ADGRD1: variants seen among roughly 807,000 people sequenced by gnomAD.
The protein encoded by ADGRD1 is adhesion G protein-coupled receptor D1, also known as G-protein coupled receptor 133.
Under a neutral mutation model 113.4 loss-of-function variants are expected in ADGRD1, and 77 were observed. The ratio of observed to expected loss-of-function variants is 0.68; its 90% CI spans 0.57 to 0.82. ADGRD1 has a LOEUF of 0.82. Ranked by LOEUF, ADGRD1 falls within the 40% of genes least tolerant of loss-of-function variation. The pLI, the probability that ADGRD1 is intolerant of heterozygous loss-of-function variation, is 0.00. For synonymous variants in ADGRD1, 474 were observed against 475.0 expected (o/e 1.00, Z 0.03); for missense variants, 1,036 against 1,139.1 (o/e 0.91, Z 1.30).
At chr12:130,974,579 C>T (rs367902276) in intron 4 of ADGRD1, among the ~76,000 whole-genome samples, 2 of 152,188 alleles carry the variant, frequency 1.3e-5, no homozygotes, top group Admixed American at 6.5e-5. Context: ...AAACTTATAA[C>T]CTGTTATTCT....
intron 8 of ADGRD1, among the ~76,000 whole-genome samples, chr12:130,999,796 G>C (rs1442956167): frequency 6.6e-6 from 1 of 152,204 alleles, no homozygotes; most frequent in Non-Finnish European, 1.5e-5. Flanking sequence ...CCAAGAGTCT[G>C]CTTTTTTAAA....
intron 20 of ADGRD1, among the ~76,000 whole-genome samples, chr12:131,129,849 CTG>C (rs377291103): frequency 3.9e-5 from 6 of 152,394 alleles, no homozygotes; most frequent in African/African-American, 1.4e-4. Context: ...ACCTCCCTCT[CTG>C]TGTGATGCTG....
intron 15 of ADGRD1, among the ~76,000 whole-genome samples, chr12:131,095,666 C>A (rs1725824): frequency 2.6e-5 from 4 of 152,170 alleles, no homozygotes; most frequent in Admixed American, 6.5e-5. Context: ...GGTCGCTTTG[C>A]GGGGCAGCTG....
chr12:131,123,830 A>C (rs1204400241), intron 20 of ADGRD1, among the ~76,000 whole-genome samples: 1 of 151,964 alleles, frequency 6.6e-6, no homozygotes. Flanking sequence ...CGTCTCAAAA[A>C]AAAAAAAAAA....
In ADGRD1 at chr12:131,132,547, C is replaced by T. The variant is rs140800966; in HGVS notation, c.2267+731C>T. Among the ~76,000 whole-genome samples, 6 of 152,326 alleles carry T rather than the reference C, an allele frequency of 3.9e-5. No homozygotes were observed. In the East Asian group the frequency reaches 5.8e-4, roughly 15 times the overall value. ...TGCAGCACCGGGCCCAGCTCGCCTT[C>T]GCATCCTTAGTGTTGGCTTCAGGCC... On this transcript the variant is annotated intron_variant, in intron 21 of 24. Coordinates refer to ENST00000261654, the MANE Select transcript of ADGRD1 (RefSeq NM_198827.5).
chr12:131,106,761 C>A (rs2137335996), intron 17 of ADGRD1, among the ~76,000 whole-genome samples: 1 of 152,296 alleles, frequency 6.6e-6, no homozygotes. Context: ...CAAGCACCTC[C>A]CTCACAGGGC....
At chr12:130,969,154 A>G (rs7307135) in intron 3 of ADGRD1, 27,050 of 776,408 alleles carry the variant, frequency 0.035, 1,015 homozygotes, top group African/African-American at 0.14. Context: ...GTTTGGTAGT[A>G]TCTGAATTCA....
intron 4 of ADGRD1, among the ~76,000 whole-genome samples, chr12:130,974,778 C>T (rs1416233790): frequency 6.6e-6 from 1 of 152,046 alleles, no homozygotes; most frequent in East Asian, 1.9e-4. Context: ...CGAGGGTGCC[C>T]ATAGAAGGCA....
chr12:130,997,010 C>T (rs1875548023), intron 8 of ADGRD1, among the ~76,000 whole-genome samples: 4 of 135,250 alleles, frequency 3.0e-5, no homozygotes, highest in African/African-American at 1.1e-4. Flanking sequence ...AGGCGGGGGG[C>T]TGACCCCCCC....
chr12:130,993,779 A>C (rs1874764865), intron 8 of ADGRD1: 2 of 152,602 alleles, frequency 1.3e-5, no homozygotes, highest in Non-Finnish European at 2.9e-5. Context: ...AGAGGCCCAG[A>C]GGCGGGAATC....
intron 11 of ADGRD1, among the ~76,000 whole-genome samples, chr12:131,004,966 C>A (rs1593340014): frequency 6.6e-6 from 1 of 152,252 alleles, no homozygotes; most frequent in Admixed American, 6.5e-5. Context: ...TCCCTGGGGA[C>A]CTCGGGCAAG....
chr12:131,090,916 G>T (rs1344413393), intron 15 of ADGRD1, among the ~76,000 whole-genome samples: 4 of 152,220 alleles, frequency 2.6e-5, no homozygotes, highest in Admixed American at 2.6e-4. Flanking sequence ...TCCAGCCAGG[G>T]TCAAGAATGG....
chr12:131,135,949 A>T, intron 21 of ADGRD1, 88 bp from the exon 22 acceptor site: 2 of 1,459,482 alleles, frequency 1.4e-6, no homozygotes, highest in Non-Finnish European at 1.9e-6. Flanking sequence ...GCCTGCACCC[A>T]TCTGGAAGCC....
chr12:131,056,146 G>T (rs1307189731), intron 13 of ADGRD1, among the ~76,000 whole-genome samples: 1 of 152,188 alleles, frequency 6.6e-6, no homozygotes, highest in African/African-American at 2.4e-5. Context: ...ATTGTGTTAT[G>T]AAAATATTAT....
In ADGRD1 at chr12:131,016,344, C is replaced by T. The variant is rs564972183; in HGVS notation, c.1473+2004C>T. ...TGGCACTGCGTGGAGGCTCAGGAGA[C>T]GCTTGCTGAGTGAGTGCTGTGCCGG... On this transcript the variant is annotated intron_variant, in intron 13 of 24. Coordinates refer to ENST00000261654, the MANE Select transcript of ADGRD1 (RefSeq NM_198827.5). Among the ~76,000 whole-genome samples, 32 of 152,360 alleles carry T rather than the reference C, an allele frequency of 2.1e-4. No homozygotes were observed. The East Asian group carries it at 2.3e-3, about 11-fold the overall frequency.
In ADGRD1 at chr12:131,084,762, C is replaced by A; in HGVS notation, c.1671+99C>A. 1 of 1,284,760 alleles carries A rather than the reference C, an allele frequency of 7.8e-7. No individual in the cohort carries two copies. 79.6% of individuals were successfully genotyped at this position (1,284,760 alleles called of 1,614,324 possible). On this transcript the variant is annotated intron_variant, in intron 15 of 24. Coordinates refer to ENST00000261654, the MANE Select transcript of ADGRD1 (RefSeq NM_198827.5). This position sits in a 1 kb window ranked among gnomAD's most constrained non-coding sequence, Gnocchi z 4.5. ...CTTTGCCCGCCAGTGCCCACGGGCC[C>A]TGGGCACATTACTCCATGGGGCCTG...
chr12:131,096,083 C>G lies in ADGRD1; in HGVS notation c.1672-8748C>G, dbSNP rs145896090. 1.3e-5 allele frequency among the ~76,000 whole-genome samples: 2 copies of G among 151,776 alleles called. No individual in the cohort carries two copies. The highest frequency in any genetic ancestry group is 2.4e-5 in the African/African-American group (1 of 41,366). On this transcript the variant is annotated intron_variant, in intron 15 of 24. Coordinates refer to ENST00000261654, the MANE Select transcript of ADGRD1 (RefSeq NM_198827.5). This position sits in a 1 kb window ranked among gnomAD's most constrained non-coding sequence, Gnocchi z 5.2. Reference sequence around the variant, plus strand: ...TGCCCAGAGCAGCGGCCTAGACACGCGCTTGCTTTTCTGTCATTCCAGACG... The same window carrying G: ...TGCCCAGAGCAGCGGCCTAGACACGGGCTTGCTTTTCTGTCATTCCAGACG...
chr12:131,131,687 C>T (rs758215238), intron 20 of ADGRD1, 38 bp from the exon 21 acceptor site: 8 of 1,439,846 alleles, frequency 5.6e-6, no homozygotes, highest in Non-Finnish European at 7.8e-6. Flanking sequence ...AGGTGCAGCC[C>T]AGGCCCCCCT....
chr12:131,094,839 A>G (rs1725825), intron 15 of ADGRD1, among the ~76,000 whole-genome samples: 141,827 of 152,278 alleles, frequency 0.93, 66,918 homozygotes, highest in East Asian at 1. Flanking sequence ...CCCGCCTTAC[A>G]GATGAGTTTT....
Sources: gnomAD v4.1 joint callset for allele counts (sites outside exome capture counted in the v4.1 genomes callset) on GRCh38, gnomAD v4.1.1 for gene constraint, Gnocchi (gnomAD v3.1) non-coding constraint, MANE v1.5 for transcripts, NCBI Gene and HGNC (gene_info 2026-07-23, HGNC 2026-07-21) for gene names.